Variants in DAB1 observed in about 807,000 individuals in gnomAD.
DAB1 encodes the protein DAB adaptor protein 1, also known as disabled homolog 1.
A neutral mutation model predicts 64.6 loss-of-function variants in DAB1; 15 were observed. The ratio of observed to expected loss-of-function variants is 0.23; its 90% CI spans 0.16 to 0.36. The LOEUF is 0.36. Ranked by LOEUF, DAB1 falls within the 10% of genes least tolerant of loss-of-function variation. DAB1 has a pLI of 1.00. For synonymous variants in DAB1, 235 were observed against 251.9 expected (o/e 0.93, Z 0.64); for missense variants, 596 against 706.7 (o/e 0.84, Z 1.78).
At chr1:58,080,731 A>G (rs1227642342) in intron 5 of DAB1, among the ~76,000 whole-genome samples, 1 of 152,210 alleles carries the variant, frequency 6.6e-6, no homozygotes, top group African/African-American at 2.4e-5. Context: ...CTGTGTTGGG[A>G]TCAACGCTCT....
intron 6 of DAB1, among the ~76,000 whole-genome samples, chr1:57,687,599 C>CAAAAA (rs57316234): frequency 3.8e-4 from 31 of 82,460 alleles, no homozygotes; most frequent in African/African-American, 8.7e-4. Flanking sequence ...TCTTAAGAAA[C>CAAAAA]AAAAAAAAAA....
At chr1:58,433,594 A>AGTGT (rs1473928894) in intron 3 of DAB1, among the ~76,000 whole-genome samples, 83 of 91,416 alleles carry the variant, frequency 9.1e-4, no homozygotes, top group Middle Eastern at 5.3e-3. Context: ...AGAGAGAGAG[A>AGTGT]GAGTGTGTGT....
chr1:57,587,414 T>C (rs1645393442), intron 7 of DAB1, among the ~76,000 whole-genome samples: 1 of 152,176 alleles, frequency 6.6e-6, no homozygotes. Flanking sequence ...AGACACAGAT[T>C]GCTGTGGGAT....
intron 7 of DAB1, among the ~76,000 whole-genome samples, chr1:57,475,181 G>A (rs11584169): frequency 0.26 from 39,405 of 152,170 alleles, 6,583 homozygotes; most frequent in Non-Finnish European, 0.39. Flanking sequence ...GGAGGCTGAG[G>A]CAGGAGAATC....
intron 4 of DAB1, among the ~76,000 whole-genome samples, chr1:58,306,216 A>T (rs895235242): frequency 6.6e-6 from 1 of 151,572 alleles, no homozygotes; most frequent in Admixed American, 6.6e-5. Flanking sequence ...TTCCTTAAGG[A>T]GCAAAACAAG....
intron 4 of DAB1, among the ~76,000 whole-genome samples, chr1:58,300,643 AGAG>A (rs1299189890): frequency 0.011 from 618 of 53,876 alleles, 20 homozygotes; most frequent in East Asian, 0.016. Flanking sequence ...AGAGAGAGAG[AGAG>A]AGGAAGGAAG....
chr1:58,158,261 T>C (rs1371215605), intron 4 of DAB1, among the ~76,000 whole-genome samples: 4 of 152,174 alleles, frequency 2.6e-5, no homozygotes, highest in African/African-American at 9.7e-5. Context: ...CCATTGTCTA[T>C]GTCTTATCCA....
chr1:57,233,370 C>T (rs1418787143), intron 2 of DAB1, among the ~76,000 whole-genome samples: 1 of 143,634 alleles, frequency 7.0e-6, no homozygotes, highest in South Asian at 2.3e-4. Flanking sequence ...TCACGCCATT[C>T]TCCTGCCTCA....
intron 5 of DAB1, among the ~76,000 whole-genome samples, chr1:58,046,835 C>G (rs1647277863): frequency 6.6e-6 from 1 of 152,126 alleles, no homozygotes; most frequent in Admixed American, 6.5e-5. Flanking sequence ...GATGGGAGCT[C>G]TCAGAGGTAC....
chr1:57,996,080 GAAACCCCGTCTCTACTAA>G (rs1646420448), intron 5 of DAB1, among the ~76,000 whole-genome samples: 1 of 152,024 alleles, frequency 6.6e-6, no homozygotes, highest in Non-Finnish European at 1.5e-5. Context: ...CCAACATGGT[GAAACCCCGTCTCTACTAA>G]AAATACAAAA....
At chr1:57,175,530 G>C (rs1012321464) in intron 2 of DAB1, among the ~76,000 whole-genome samples, 1 of 152,034 alleles carries the variant, frequency 6.6e-6, no homozygotes, top group Non-Finnish European at 1.5e-5. Context: ...ACTTCAAATA[G>C]AGCCGTATTT....
chr1:57,347,001 T>C (rs1252927856), intron 1 of DAB1, among the ~76,000 whole-genome samples: 2 of 152,076 alleles, frequency 1.3e-5, no homozygotes, highest in Admixed American at 6.5e-5. Context: ...AACCAACAAA[T>C]AAACCAAAAT....
Position 58,288,036 on chromosome 1 carries a change from A to AAG in DAB1, n.309+55315_309+55316insCT, listed in dbSNP as rs1185063693. Among the ~76,000 whole-genome samples, 284 of 147,316 alleles carry AAG rather than the reference A, an allele frequency of 1.9e-3. 2 individuals carry two copies. The highest frequency in any genetic ancestry group is 6.6e-3 in the African/African-American group (265 of 40,312). On this transcript the variant is annotated intron_variant and non_coding_transcript_variant, in intron 4 of 20. Coordinates refer to the DAB1 transcript ENST00000485760. ...GACTGCCTCAAAAAAAAAAAAAAAA[A>AAG]AAAAAAAAAGAAAAAAAAGAGCAGC...
In DAB1 at chr1:57,951,317, C is replaced by CATATATATATATATATATATATAT. The variant is rs150140800; in HGVS notation, n.388-67156_388-67155insATATATATATATATATATATATAT. On this transcript the variant is annotated intron_variant and non_coding_transcript_variant, in intron 5 of 20. Transcript: ENST00000485760. ...CAGATCCGGGAAGAGGAGCCTGATT[C>CATATATATATATATATATATATAT]ATATATATATATATACTTCCCTGGA... Among the ~76,000 whole-genome samples the CATATATATATATATATATATATAT allele has an allele frequency of 1.2e-3, 85 of 69,842 alleles. 5 individuals are homozygous for CATATATATATATATATATATATAT. The highest frequency in any genetic ancestry group is 3.1e-3 in the African/African-American group (75 of 24,262). The allele number at this position is 69,842 out of a possible 152,430, so 45.8% of individuals were successfully genotyped here. A position where few individuals can be genotyped will look rare whatever the true frequency, so the allele number is the denominator to read the frequency against.
chr1:57,538,873 C>T (rs1644762412), intron 7 of DAB1, among the ~76,000 whole-genome samples: 1 of 152,196 alleles, frequency 6.6e-6, no homozygotes, highest in Non-Finnish European at 1.5e-5. Flanking sequence ...ACTCTCCAAC[C>T]CTCCAGTCAC....
Position 58,362,632 on chromosome 1 carries a change from GGA to G in DAB1, n.258-19231_258-19230del, listed in dbSNP as rs569490794. Among the ~76,000 whole-genome samples, 1,147 of 152,308 alleles carry G rather than the reference GGA, an allele frequency of 7.5e-3. 4 individuals are homozygous for G. The highest frequency in any genetic ancestry group is 0.014 in the Middle Eastern group (4 of 294). ...TGTAGCTGAATGTGGGGGTAGGGGT[GGA>G]GAGAGAGATTATTACCTCAATTTAA... On this transcript the variant is annotated intron_variant and non_coding_transcript_variant, in intron 3 of 20. Transcript: ENST00000485760.
In DAB1 at chr1:58,485,208, A is replaced by G. The variant is rs141477591; in HGVS notation, n.257+20852T>C. ...TTAAAAGTTGAAGCTTTAGAGTCTA[A>G]AAATAAAAGAGTCTACTACTAAAAA... On this transcript the variant is annotated intron_variant and non_coding_transcript_variant, in intron 3 of 20. Transcript: ENST00000485760. Among the ~76,000 whole-genome samples, 502 of 149,774 alleles carry G rather than the reference A, an allele frequency of 3.4e-3. 2 individuals carry two copies. The highest frequency in any genetic ancestry group is 5.1e-3 in the Non-Finnish European group (346 of 67,402).
intron 5 of DAB1, among the ~76,000 whole-genome samples, chr1:57,931,544 T>A (rs1293609523): frequency 6.6e-6 from 1 of 152,210 alleles, no homozygotes; most frequent in Non-Finnish European, 1.5e-5. Context: ...TAGGCCTACT[T>A]GGATCGATTG....
intron 3 of DAB1, among the ~76,000 whole-genome samples, chr1:58,365,520 T>C (rs954041250): frequency 1.3e-5 from 2 of 152,188 alleles, no homozygotes; most frequent in African/African-American, 4.8e-5. Context: ...TTCTGCCAAA[T>C]GCAGAACAGC....
Sources: allele counts gnomAD v4.1 joint callset (sites outside exome capture counted in the v4.1 genomes callset), GRCh38; gene constraint gnomAD v4.1.1; transcripts MANE v1.5; gene names NCBI Gene and HGNC (gene_info 2026-07-23, HGNC 2026-07-21).